The following LRP1 variants were observed in gnomAD, a reference collection of about 807,000 sequenced individuals.
LRP1 encodes LDL receptor related protein 1, also known as prolow-density lipoprotein receptor-related protein 1.
In LRP1, 51 loss-of-function variants were observed where a neutral mutation model predicts 541.5. The observed-to-expected ratio is 0.09, with a 90% CI of 0.08 to 0.12. The LOEUF (loss-of-function observed/expected upper bound fraction) is 0.12, where lower values mean the gene tolerates loss of function less well. Ranked by LOEUF, LRP1 falls within the 10% of genes least tolerant of loss-of-function variation. The pLI, the probability that LRP1 is intolerant of heterozygous loss-of-function variation, is 1.00. For synonymous variants in LRP1, 2,219 were observed against 2,470.8 expected, an observed-to-expected ratio of 0.90 and a Z score of 3.02; for missense variants, 3,878 against 6,376.2, an observed-to-expected ratio of 0.61 and a Z score of 13.34.
intron 20 of LRP1, among the ~76,000 whole-genome samples, chr12:57,172,491 T>C (rs2035966164): frequency 6.6e-6 from 1 of 152,316 alleles, no homozygotes; most frequent in Non-Finnish European, 1.5e-5. Context: ...TCTGAAGTGC[T>C]GGCGTAGTCC....
rs561559364 is a variant in LRP1, at chr12:57,206,435, C to T, written c.11591-38C>T. 61 of 1,606,134 alleles carry T rather than the reference C, an allele frequency of 3.8e-5. No homozygotes were observed. The South Asian group carries it at 6.4e-4, about 17-fold the overall frequency. On this transcript the variant is annotated intron_variant, in intron 75 of 88. Transcript: ENST00000243077. The surrounding 1 kb of genome is among the most constrained non-coding windows in gnomAD (Gnocchi z 4.7). ...CTGAGCTGGGTGGGGTGCACACCTG[C>T]ATCCCACAGCCCCAGCCCTGGCCTC...
chr12:57,148,269 G>A (rs536971052), intron 6 of LRP1, among the ~76,000 whole-genome samples: 13 of 151,986 alleles, frequency 8.6e-5, no homozygotes, highest in South Asian at 2.1e-4. Context: ...AGCATGCAGC[G>A]AAATAAGAAA....
At chr12:57,209,265 C>A in intron 79 of LRP1, 66 bp downstream of exon 79, 1 of 1,279,296 alleles carries the variant, frequency 7.8e-7, no homozygotes. Flanking sequence ...CCCTACTGAG[C>A]CAAAGGCCTC....
chr12:57,200,567 C>T (rs1160216649), intron 63 of LRP1, 32 bp downstream of exon 63: 1 of 1,593,058 alleles, frequency 6.3e-7, no homozygotes, highest in Non-Finnish European at 8.6e-7. Context: ...CAGGAGGGCC[C>T]CCAGCTGTGT....
intron 1 of LRP1, among the ~76,000 whole-genome samples, chr12:57,129,262 C>A (rs925519207): frequency 4.6e-5 from 7 of 152,226 alleles, no homozygotes; most frequent in Admixed American, 2.6e-4. Context: ...AGACCAGAGG[C>A]CTGGGTAGAG....
At chr12:57,187,860 G>A (rs1239957243) in intron 42 of LRP1, among the ~76,000 whole-genome samples, 4 of 152,236 alleles carry the variant, frequency 2.6e-5, no homozygotes, top group African/African-American at 4.8e-5. Context: ...GCTGGGTTGA[G>A]AAGTCATACT....
In LRP1 at chr12:57,165,863, C is replaced by T. The variant is rs1449761442; in HGVS notation, c.2589C>T (p.Asn863=). 1.9e-6 allele frequency: 3 copies of T among 1,614,270 alleles called. No individual in the cohort carries two copies. Among genetic ancestry groups the T allele is most frequent in the Admixed American group, 1.7e-5 (1 of 60,036 alleles). ...AGCCAGGCGAGTTTGCCTGTGCCAA[C>T]AGCCGCTGCATCCAGGAGCGCTGGA... The part of the protein sequence containing the change: ...QCQPGEFACA[N]SRCIQERWKC... Residue 863 remains asparagine, a synonymous_variant, in exon 16 of 89, where the codon AAC becomes AAT. Transcript: ENST00000243077. The surrounding 1 kb of genome is among the most constrained non-coding windows in gnomAD (Gnocchi z 4.5).
chr12:57,144,838 T>G, intron 4 of LRP1, 134 bp from the exon 5 acceptor site: 1 of 872,006 alleles, frequency 1.1e-6, no homozygotes. Context: ...GCACATTTCA[T>G]GCTGTAATAG....
In LRP1 at chr12:57,154,274, G is replaced by A; in HGVS notation, c.908G>A (p.Arg303Lys). Residue 303 changes from arginine to lysine, a missense_variant, in exon 7 of 89, where the codon AGG (arginine) becomes AAG (lysine). This residue lies in a region of LRP1 where 293 missense variants were observed against 403.7 expected (regional missense o/e 0.73). Coordinates refer to ENST00000243077, the MANE Select transcript of LRP1 (RefSeq NM_002332.3). The surrounding 1 kb of genome is among the most constrained non-coding windows in gnomAD (Gnocchi z 4.6). ...TACTTTGTGGATGACATCGATGATA[G>A]GATCTTTGTCTGCAACAGAAATGGG... ...NFYFVDDIDD[R>K]IFVCNRNGDT... is the part of the protein sequence containing the mutation. 1.9e-6 allele frequency: 3 copies of A among 1,614,216 alleles called. No individual in the cohort carries two copies. Among genetic ancestry groups the A allele is most frequent in the Non-Finnish European group, 2.5e-6 (3 of 1,180,026 alleles).
At chr12:57,151,963 G>A (rs1434579046) in intron 6 of LRP1, among the ~76,000 whole-genome samples, 5 of 152,080 alleles carry the variant, frequency 3.3e-5, no homozygotes, top group Non-Finnish European at 5.9e-5. Flanking sequence ...CAGGCAGGCC[G>A]AGGACTCCAG....
At chr12:57,174,968 G>A (rs1006619283) in intron 22 of LRP1, among the ~76,000 whole-genome samples, 8 of 152,176 alleles carry the variant, frequency 5.3e-5, no homozygotes, top group African/African-American at 1.9e-4. Flanking sequence ...GACTGGCTGG[G>A]AGAACTGCCG....
At chr12:57,163,850 T>C (rs1218184998) in intron 15 of LRP1, among the ~76,000 whole-genome samples, 1 of 152,214 alleles carries the variant, frequency 6.6e-6, no homozygotes, top group Non-Finnish European at 1.5e-5. Context: ...TGTTTTTTAT[T>C]CAAAATGGGT....
At chr12:57,191,974 TG>T (rs2036415420) in intron 44 of LRP1, among the ~76,000 whole-genome samples, 18 of 1,288 alleles carry the variant, frequency 0.014, no homozygotes, top group East Asian at 0.019. Flanking sequence ...ACACCACACA[TG>T]ACACATACAC....
rs2036147700 is a variant in LRP1 at position 57,180,766 on chromosome 12, T to C, written c.5486T>C (p.Leu1829Pro). 3 of 1,614,010 alleles carry C rather than the reference T, an allele frequency of 1.9e-6. No homozygotes were observed. Among genetic ancestry groups the C allele is most frequent in the Non-Finnish European group, 2.5e-6 (3 of 1,179,954 alleles). The change falls in exon 33 of 89, where the codon CTG (leucine) becomes CCG (proline). Residue 1829 changes from leucine to proline, a missense_variant. This residue lies in a region of LRP1 where 394 missense variants were observed against 635.9 expected (regional missense o/e 0.62). Coordinates refer to ENST00000243077, the MANE Select transcript of LRP1 (RefSeq NM_002332.3). ...GSVVLRNSTT[L>P]VMHMKVYDES... is the part of the protein sequence containing the mutation. ...GTGGTCCTTCGGAACAGCACCACCCTGGTGATGCACATGAAGGTCTATGAC... is the reference window on the plus strand; with the variant it reads ...GTGGTCCTTCGGAACAGCACCACCCCGGTGATGCACATGAAGGTCTATGAC...
In LRP1 at chr12:57,179,210, C is replaced by A; in HGVS notation, c.4739-119C>A. On this transcript the variant is annotated intron_variant, in intron 28 of 88. Coordinates refer to ENST00000243077, the MANE Select transcript of LRP1 (RefSeq NM_002332.3). This position sits in a 1 kb window ranked among gnomAD's most constrained non-coding sequence, Gnocchi z 6.8. The stretch of plus-strand genomic sequence containing the variant: ...GGGGGCTGCACCCAGCGGGGTATGT[C>A]CACGGAGCCAAGGGCCAGTAGCAAA... 1 of 1,159,270 alleles carries A rather than the reference C, an allele frequency of 8.6e-7. No homozygotes were observed. The highest frequency in any genetic ancestry group is 1.2e-6 in the Non-Finnish European group (1 of 809,588). The allele number at this position is 1,159,270 out of a possible 1,614,324, so 71.8% of individuals were successfully genotyped here.
Position 57,158,261 on chromosome 12 carries a change from T to C in LRP1, c.1562-141T>C. 2.8e-6 allele frequency: 2 copies of C among 709,370 alleles called. No individual in the cohort carries two copies. The highest frequency in any genetic ancestry group is 4.7e-5 in the Admixed American group (2 of 42,454). 43.9% of individuals were successfully genotyped at this position (709,370 alleles called of 1,614,324 possible). On this transcript the variant is annotated intron_variant, in intron 10 of 88. Coordinates refer to ENST00000243077, the MANE Select transcript of LRP1 (RefSeq NM_002332.3). The surrounding 1 kb of genome is among the most constrained non-coding windows in gnomAD (Gnocchi z 5.3). ...TGTATGTTAGCGTGTGCGTGGTCTG[T>C]CCATCTGACCCAGAGCCTCGCATCC...
At chr12:57,136,331 G>A (rs966696720) in intron 1 of LRP1, among the ~76,000 whole-genome samples, 1 of 152,006 alleles carries the variant, frequency 6.6e-6, no homozygotes, top group Non-Finnish European at 1.5e-5. Context: ...TCCCCTGCCA[G>A]CGGTGGGGGT....
Position 57,178,487 on chromosome 12 carries a change from G to A in LRP1, c.4490G>A (p.Arg1497Gln), listed in dbSNP as rs764859711. 6.2e-7 allele frequency: 1 copy of A among 1,614,180 alleles called. No individual in the cohort carries two copies. The highest frequency in any genetic ancestry group is 8.5e-7 in the Non-Finnish European group (1 of 1,180,034). Residue 1497 changes from arginine to glutamine, a missense_variant, in exon 27 of 89, where the codon CGA (arginine) becomes CAA (glutamine). By Grantham distance (43) the Arg-to-Gln change is conservative (BLOSUM62 1). Transcript: ENST00000243077. This position sits in a 1 kb window ranked among gnomAD's most constrained non-coding sequence, Gnocchi z 5.8. The stretch of plus-strand genomic sequence containing the variant: ...GGGGAGGTCTACTGGACTGACTGGC[G>A]AACAAACACACTGGCTAAGGCCAAC... ...YGGEVYWTDW[R>Q]TNTLAKANKW...
Position 57,162,451 on chromosome 12 carries a change from G to T in LRP1, c.2337G>T (p.Val779=). 6.2e-7 allele frequency: 1 copy of T among 1,614,124 alleles called. No individual in the cohort carries two copies. The highest frequency in any genetic ancestry group is 8.5e-7 in the Non-Finnish European group (1 of 1,180,022). The change falls in exon 14 of 89, where the codon GTG becomes GTT. Residue 779 remains valine, a synonymous_variant. Transcript: ENST00000243077. This position sits in a 1 kb window ranked among gnomAD's most constrained non-coding sequence, Gnocchi z 5.2. ...GTGTAGGAGGCGCACCCCCCACTGT[G>T]ACCCTTCTGCGCAGTGAGCGGCCCC... ...ERGVGGAPPT[V]TLLRSERPPI... is the part of the protein sequence containing the mutation.
Sources: gnomAD v4.1 joint callset for allele counts (sites outside exome capture counted in the v4.1 genomes callset) on GRCh38, gnomAD v4.1.1 for gene constraint, gnomAD v4.1.1 regional missense constraint, Gnocchi (gnomAD v3.1) non-coding constraint, MANE v1.5 for transcripts, NCBI Gene and HGNC (gene_info 2026-07-23, HGNC 2026-07-21) for gene names.